CTXND1: variants seen among roughly 807,000 people sequenced by gnomAD.
CTXND1 encodes the protein cortexin domain-containing 1 protein.
chr15:80,250,661 A>G (rs945704252), intron 1 of CTXND1, among the ~76,000 whole-genome samples: 2 of 152,250 alleles, frequency 1.3e-5, no homozygotes, highest in African/African-American at 4.8e-5. Flanking sequence ...TAGTTTCAGA[A>G]CAGTTTTCCC....
chr15:80,222,878 T>A (rs1020887200), intron 1 of CTXND1, among the ~76,000 whole-genome samples: 1 of 152,184 alleles, frequency 6.6e-6, no homozygotes, highest in African/African-American at 2.4e-5. Flanking sequence ...ATATTTGTTA[T>A]AAATAAACAA....
At chr15:80,237,605 T>G (rs1893516591) in intron 1 of CTXND1, among the ~76,000 whole-genome samples, 1 of 152,170 alleles carries the variant, frequency 6.6e-6, no homozygotes, top group Non-Finnish European at 1.5e-5. Context: ...AAAAATAAAT[T>G]TAAGTAGAAA....
chr15:80,250,937 T>C (rs1395906024), intron 1 of CTXND1, among the ~76,000 whole-genome samples: 1 of 152,190 alleles, frequency 6.6e-6, no homozygotes, highest in Non-Finnish European at 1.5e-5. Context: ...CCCTCGGAAC[T>C]AGATCCCCTA....
chr15:80,220,333 C>T (rs1306557433), intron 1 of CTXND1, among the ~76,000 whole-genome samples: 2 of 152,084 alleles, frequency 1.3e-5, no homozygotes, highest in Non-Finnish European at 2.9e-5. Flanking sequence ...CTGTCTTCTC[C>T]CAGGGATTTG....
rs1415782033 is a variant in CTXND1, at chr15:80,200,099, A to G, written c.*1671T>C. ...GGCTGCTGTGAGTGTTCCTCTGACC[A>G]AGTGGTTCCGGCTGGGAGATTTGGC... is the stretch of plus-strand genomic sequence containing the variant. On this transcript the variant is annotated 3_prime_UTR_variant, in exon 3 of 3. Transcript: ENST00000560778. The G allele has an allele frequency of 6.6e-6, 1 of 152,260 alleles. No homozygotes were observed. The highest frequency in any genetic ancestry group is 1.5e-5 in the Non-Finnish European group (1 of 68,128). The allele number at this position is 152,260 out of a possible 1,614,324, so 9.4% of individuals were successfully genotyped here.
At chr15:80,241,369 G>A (rs1893564381) in intron 1 of CTXND1, among the ~76,000 whole-genome samples, 1 of 152,004 alleles carries the variant, frequency 6.6e-6, no homozygotes, top group Non-Finnish European at 1.5e-5. Context: ...AAATGAAATA[G>A]GAACTTTTCC....
intron 1 of CTXND1, among the ~76,000 whole-genome samples, chr15:80,204,068 C>G (rs1254814795): frequency 1.4e-5 from 2 of 138,068 alleles, no homozygotes; most frequent in East Asian, 4.5e-4. Flanking sequence ...GAGGCTGAGG[C>G]AAGAGAGTCA....
chr15:80,230,274 G>A (rs1343279490), intron 1 of CTXND1, among the ~76,000 whole-genome samples: 2 of 152,158 alleles, frequency 1.3e-5, no homozygotes, highest in Non-Finnish European at 2.9e-5. Context: ...CTTGGAAGGC[G>A]GGGGCGGTGT....
At chr15:80,217,864 A>G (rs1893270826) in intron 1 of CTXND1, among the ~76,000 whole-genome samples, 1 of 152,138 alleles carries the variant, frequency 6.6e-6, no homozygotes, top group Non-Finnish European at 1.5e-5. Context: ...AGTTTAAGTA[A>G]GGGGAATTAT....
intron 1 of CTXND1, among the ~76,000 whole-genome samples, chr15:80,210,201 G>GT (rs546858688): frequency 5.3e-5 from 8 of 152,130 alleles, no homozygotes; most frequent in African/African-American, 1.9e-4. Flanking sequence ...CCTCCTTAAT[G>GT]TTTTTTCTTT....
chr15:80,216,189 C>T (rs1461120408), intron 1 of CTXND1, among the ~76,000 whole-genome samples: 1 of 152,154 alleles, frequency 6.6e-6, no homozygotes, highest in Non-Finnish European at 1.5e-5. Flanking sequence ...GCTGGGGCGG[C>T]ACCAAGCTGC....
chr15:80,218,970 C>T (rs1428230933), intron 1 of CTXND1, among the ~76,000 whole-genome samples: 1 of 146,900 alleles, frequency 6.8e-6, no homozygotes, highest in Non-Finnish European at 1.5e-5. Flanking sequence ...CTTGTGCTGT[C>T]GCCCAGGCTG....
chr15:80,247,544 G>A (rs913904416), intron 1 of CTXND1, among the ~76,000 whole-genome samples: 24 of 151,984 alleles, frequency 1.6e-4, no homozygotes, highest in African/African-American at 4.4e-4. Flanking sequence ...GTCATAGGTC[G>A]AGATCTGACC....
Position 80,201,637 on chromosome 15 carries a change from C to T in CTXND1, c.*133G>A. 3 of 397,454 alleles carry T rather than the reference C, an allele frequency of 7.5e-6. No homozygotes were observed. The highest frequency in any genetic ancestry group is 3.6e-5 in the East Asian group (1 of 28,054). The allele number at this position is 397,454 out of a possible 1,614,324, so 24.6% of individuals were successfully genotyped here. The stretch of plus-strand genomic sequence containing the variant: ...GGAGGGCTGAGAGGGCTAAGCTGCA[C>T]CTTCTGTTTCCCTGGGTGGCCAGAT... On this transcript the variant is annotated 3_prime_UTR_variant, in exon 3 of 3. Transcript: ENST00000560778.
intron 1 of CTXND1, among the ~76,000 whole-genome samples, chr15:80,225,850 C>A (rs1893365771): frequency 6.6e-6 from 1 of 152,126 alleles, no homozygotes; most frequent in Non-Finnish European, 1.5e-5. Context: ...TGTTGAGATG[C>A]TGGTTATCCT....
At chr15:80,237,442 G>C (rs1893515167) in intron 1 of CTXND1, among the ~76,000 whole-genome samples, 1 of 152,052 alleles carries the variant, frequency 6.6e-6, no homozygotes, top group African/African-American at 2.4e-5. Context: ...TGTTATCTTA[G>C]GAGATGGCAG....
Position 80,196,161 on chromosome 15 carries a change from A to G in CTXND1, c.*5609T>C, listed in dbSNP as rs930928790. 3 of 152,174 alleles carry G rather than the reference A, an allele frequency of 2.0e-5. No homozygotes were observed. Among genetic ancestry groups the G allele is most frequent in the African/African-American group, 4.8e-5 (2 of 41,434 alleles). 9.4% of individuals were successfully genotyped at this position (152,174 alleles called of 1,614,324 possible). ...GTGGGGGCATGAAATTAGATTTCTAACAAGCTCCCCAGAGATGCCAATGCT... is the reference window on the plus strand; with the variant it reads ...GTGGGGGCATGAAATTAGATTTCTAGCAAGCTCCCCAGAGATGCCAATGCT... On this transcript the variant is annotated 3_prime_UTR_variant, in exon 3 of 3. Transcript: ENST00000560778.
intron 1 of CTXND1, among the ~76,000 whole-genome samples, chr15:80,247,098 C>T (rs182848668): frequency 1.1e-3 from 166 of 152,246 alleles, no homozygotes; most frequent in African/African-American, 3.6e-3. Context: ...TCTGTGGTCT[C>T]GCAGCTGGAA....
In CTXND1 at chr15:80,200,651, G is replaced by T. The variant is rs1229416012; in HGVS notation, c.*1119C>A. 6.6e-6 allele frequency: 1 copy of T among 152,118 alleles called. No homozygotes were observed. The highest frequency in any genetic ancestry group is 2.4e-5 in the African/African-American group (1 of 41,388). 9.4% of individuals were successfully genotyped at this position (152,118 alleles called of 1,614,324 possible). ...ATGCAAAAAATAAAATTTTAAAAAT[G>T]ACAAGGCTTTTCCTATCTTACAATG... On this transcript the variant is annotated 3_prime_UTR_variant, in exon 3 of 3. Transcript: ENST00000560778.
Sources: gnomAD v4.1 joint callset for allele counts (sites outside exome capture counted in the v4.1 genomes callset) on GRCh38, gnomAD v4.1.1 for gene constraint, MANE v1.5 for transcripts, NCBI Gene and HGNC (gene_info 2026-07-23, HGNC 2026-07-21) for gene names.